SHANK2: variants seen among roughly 807,000 people sequenced by gnomAD.
SHANK2 encodes the protein SH3 and multiple ankyrin repeat domains 2.
Under a neutral mutation model 133.7 loss-of-function variants are expected in SHANK2, and 43 were observed. The ratio of observed to expected loss-of-function variants is 0.32; its 90% CI spans 0.25 to 0.41. SHANK2 has a LOEUF of 0.41. Ranked by LOEUF, SHANK2 falls within the 10% of genes least tolerant of loss-of-function variation. The pLI is 1.00. For synonymous variants in SHANK2, 1,017 were observed against 952.8 expected (o/e 1.07, Z -1.24); for missense variants, 1,994 against 2,235.8 (o/e 0.89, Z 2.18).
chr11:70,714,460 A>G (rs1555026819), intron 14 of SHANK2, among the ~76,000 whole-genome samples: 1 of 152,254 alleles, frequency 6.6e-6, no homozygotes, highest in Non-Finnish European at 1.5e-5. Flanking sequence ...CACTGTCATT[A>G]TAATAATCAC....
At chr11:70,545,093 G>A (rs2059672778) in intron 17 of SHANK2, among the ~76,000 whole-genome samples, 1 of 152,208 alleles carries the variant, frequency 6.6e-6, no homozygotes, top group Non-Finnish European at 1.5e-5. Flanking sequence ...AGGGCCACTG[G>A]GGCCTGGGAG....
chr11:70,893,790 C>T (rs1949890281), intron 11 of SHANK2, among the ~76,000 whole-genome samples: 1 of 152,184 alleles, frequency 6.6e-6, no homozygotes, highest in Admixed American at 6.5e-5. Flanking sequence ...CCTGCGTAAG[C>T]TGATTGTAAA....
At chr11:71,193,193 C>T (rs1389558998) in intron 2 of SHANK2, among the ~76,000 whole-genome samples, 4 of 152,172 alleles carry the variant, frequency 2.6e-5, no homozygotes, top group East Asian at 1.9e-4. Context: ...ACCAAAGGCA[C>T]GGGCCCCAGT....
intron 11 of SHANK2, among the ~76,000 whole-genome samples, chr11:70,875,657 C>A (rs1555071071): frequency 6.6e-6 from 1 of 151,850 alleles, no homozygotes; most frequent in Admixed American, 6.6e-5. Context: ...CCCTAGGAGA[C>A]CAGCCTGGGA....
At chr11:70,628,412 C>T (rs781977362) in intron 17 of SHANK2, among the ~76,000 whole-genome samples, 4 of 152,134 alleles carry the variant, frequency 2.6e-5, no homozygotes, top group Admixed American at 2.0e-4. Context: ...CATGTGCCCC[C>T]CTCTGTCCTA....
At chr11:70,785,654 G>A (rs1319198002) in intron 14 of SHANK2, among the ~76,000 whole-genome samples, 2 of 152,210 alleles carry the variant, frequency 1.3e-5, no homozygotes, top group East Asian at 3.9e-4. Flanking sequence ...TCTAGAGGGT[G>A]TTCCAGGTGG....
chr11:70,947,939 C>G (rs1376775243), intron 10 of SHANK2, among the ~76,000 whole-genome samples: 1 of 152,226 alleles, frequency 6.6e-6, no homozygotes, highest in African/African-American at 2.4e-5. Context: ...ACGTGGCCCT[C>G]TGTGGTCTCA....
chr11:71,146,776 C>A (rs1474178532), intron 3 of SHANK2, among the ~76,000 whole-genome samples: 1 of 152,142 alleles, frequency 6.6e-6, no homozygotes, highest in Non-Finnish European at 1.5e-5. Context: ...TGCGGGTGCA[C>A]CTGCCGCCCG....
chr11:71,220,557 A>G (rs1228128670), intron 2 of SHANK2, among the ~76,000 whole-genome samples: 4 of 152,220 alleles, frequency 2.6e-5, no homozygotes, highest in African/African-American at 9.6e-5. Flanking sequence ...GAACGCATAA[A>G]CAAGGTGTGG....
intron 11 of SHANK2, among the ~76,000 whole-genome samples, chr11:70,885,568 G>T (rs1221493098): frequency 1.3e-5 from 2 of 152,216 alleles, no homozygotes; most frequent in Non-Finnish European, 1.5e-5. Context: ...GAGTAAAGGG[G>T]CTGCGCAGGA....
chr11:70,845,469 T>A (rs782359944), intron 11 of SHANK2, among the ~76,000 whole-genome samples: 16 of 152,218 alleles, frequency 1.1e-4, no homozygotes, highest in Non-Finnish European at 1.3e-4. Context: ...CCTACTCGGC[T>A]TCGTGAACTT....
chr11:71,198,749 G>A (rs1460272991), intron 2 of SHANK2, among the ~76,000 whole-genome samples: 2 of 152,184 alleles, frequency 1.3e-5, no homozygotes, highest in African/African-American at 4.8e-5. Context: ...AGACAGCAGT[G>A]AGCCTCTGAG....
At chr11:70,754,373 C>G (rs1458411011) in intron 14 of SHANK2, among the ~76,000 whole-genome samples, 1 of 152,154 alleles carries the variant, frequency 6.6e-6, no homozygotes, top group East Asian at 1.9e-4. Flanking sequence ...ATTAGGAAGT[C>G]AAATCCAGAC....
At chr11:70,598,669 C>A (rs932166459) in intron 17 of SHANK2, among the ~76,000 whole-genome samples, 1 of 152,160 alleles carries the variant, frequency 6.6e-6, no homozygotes, top group Non-Finnish European at 1.5e-5. Flanking sequence ...AAATCCTAAA[C>A]ACAATATTAG....
chr11:70,767,339 A>G (rs1403510213), intron 14 of SHANK2, among the ~76,000 whole-genome samples: 1 of 152,176 alleles, frequency 6.6e-6, no homozygotes, highest in African/African-American at 2.4e-5. Flanking sequence ...CACCAATTCC[A>G]TTCCCAGGTA....
intron 25 of SHANK2, among the ~76,000 whole-genome samples, chr11:70,481,443 G>T (rs187383312): frequency 6.6e-5 from 10 of 152,318 alleles, no homozygotes; most frequent in Non-Finnish European, 1.0e-4. Context: ...CTTGCAAGAA[G>T]TGAAAAGAAA....
intron 11 of SHANK2, among the ~76,000 whole-genome samples, chr11:70,843,978 C>T (rs1003960375): frequency 7.2e-5 from 11 of 152,080 alleles, no homozygotes; most frequent in Non-Finnish European, 1.2e-4. Context: ...CCTTCGTGGA[C>T]GATTCTCCAG....
intron 11 of SHANK2, among the ~76,000 whole-genome samples, chr11:70,824,106 A>AGGTGCTGGCAGAGCTCATGGGGGATGGAG (rs1436972377): frequency 1.4e-5 from 2 of 145,992 alleles, no homozygotes; most frequent in African/African-American, 5.1e-5. Context: ...AGGGCAGAGG[A>AGGTGCTGGCAGAGCTCATGGGGGATGGAG]GGTGCTGGCA....
At chr11:70,609,296 A>T (rs946649026) in intron 17 of SHANK2, among the ~76,000 whole-genome samples, 1 of 151,902 alleles carries the variant, frequency 6.6e-6, no homozygotes, top group Non-Finnish European at 1.5e-5. Flanking sequence ...GAATCCGAGG[A>T]CTCCTGTTGC....
Sources: allele counts gnomAD v4.1 joint callset (sites outside exome capture counted in the v4.1 genomes callset), GRCh38; gene constraint gnomAD v4.1.1; transcripts MANE v1.5; gene names NCBI Gene and HGNC (gene_info 2026-07-23, HGNC 2026-07-21).